The following LSAMP variants were observed in gnomAD, a reference collection of about 807,000 sequenced individuals.
The protein encoded by LSAMP is limbic system-associated membrane protein.
In LSAMP, 7 loss-of-function variants were observed where a neutral mutation model predicts 38.6. The ratio of observed to expected loss-of-function variants is 0.18; its 90% CI spans 0.10 to 0.34. LSAMP has a LOEUF of 0.34. LSAMP is among the 10% of genes least tolerant of loss of function. The probability of loss-of-function intolerance (pLI) is 1.00; values close to 1 mark genes in which losing one functional copy is unlikely to be tolerated. For missense variants in LSAMP, 313 were observed against 420.0 expected (o/e 0.75, Z 2.23); for synonymous variants, 154 against 166.8 (o/e 0.92, Z 0.59).
chr3:116,175,284 TATA>T (rs1359574979), intron 1 of LSAMP, among the ~76,000 whole-genome samples: 1 of 152,114 alleles, frequency 6.6e-6, no homozygotes, highest in Non-Finnish European at 1.5e-5. Context: ...TAAATTGACA[TATA>T]ATAGTTGTAC....
chr3:115,985,873 G>A (rs1939496607), intron 3 of LSAMP, among the ~76,000 whole-genome samples: 1 of 152,182 alleles, frequency 6.6e-6, no homozygotes, highest in Non-Finnish European at 1.5e-5. Flanking sequence ...AGACTCTGAG[G>A]CAGAGCCACC....
intron 3 of LSAMP, among the ~76,000 whole-genome samples, chr3:115,929,215 CA>C (rs1194357001): frequency 6.6e-6 from 1 of 151,844 alleles, no homozygotes; most frequent in Admixed American, 6.6e-5. Flanking sequence ...AAACAAAAAA[CA>C]AATAAGAAAA....
intron 1 of LSAMP, among the ~76,000 whole-genome samples, chr3:116,260,879 C>G (rs1002808796): frequency 8.5e-5 from 13 of 152,128 alleles, no homozygotes; most frequent in Non-Finnish European, 1.9e-4. Flanking sequence ...AAGTGCTTTT[C>G]CTTGAGTGTT....
chr3:116,221,946 C>T (rs1232567380), intron 1 of LSAMP, among the ~76,000 whole-genome samples: 1 of 151,372 alleles, frequency 6.6e-6, no homozygotes, highest in African/African-American at 2.4e-5. Flanking sequence ...ACTTTTTGGC[C>T]ACATGGGGAT....
intron 3 of LSAMP, among the ~76,000 whole-genome samples, chr3:115,853,084 G>A (rs1352295364): frequency 6.6e-6 from 1 of 152,232 alleles, no homozygotes; most frequent in African/African-American, 2.4e-5. Context: ...AAAGTGCTCT[G>A]AGGGGATATA....
At chr3:116,157,753 C>T (rs1709788406) in intron 1 of LSAMP, among the ~76,000 whole-genome samples, 1 of 151,978 alleles carries the variant, frequency 6.6e-6, no homozygotes, top group Non-Finnish European at 1.5e-5. Context: ...CCGATGGATT[C>T]ACAGCCAAAT....
chr3:116,227,521 G>C (rs1487186229), intron 1 of LSAMP, among the ~76,000 whole-genome samples: 1 of 152,138 alleles, frequency 6.6e-6, no homozygotes, highest in East Asian at 1.9e-4. Flanking sequence ...CCAAAGTCCA[G>C]CTTTAATCTG....
intron 1 of LSAMP, among the ~76,000 whole-genome samples, chr3:116,133,660 C>A (rs1048692966): frequency 6.6e-6 from 1 of 152,070 alleles, no homozygotes; most frequent in African/African-American, 2.4e-5. Flanking sequence ...ATTATTTCAA[C>A]ATCTATTTTT....
At chr3:116,083,629 G>A (rs778560033) in intron 2 of LSAMP, among the ~76,000 whole-genome samples, 1 of 152,148 alleles carries the variant, frequency 6.6e-6, no homozygotes, top group Non-Finnish European at 1.5e-5. Flanking sequence ...ATGATTAGTT[G>A]AACTGAATTT....
intron 1 of LSAMP, among the ~76,000 whole-genome samples, chr3:116,439,127 T>C (rs1170518436): frequency 2.0e-5 from 3 of 152,084 alleles, no homozygotes; most frequent in African/African-American, 4.8e-5. Context: ...TACATCAGAA[T>C]TTCTGAGAAG....
chr3:116,065,003 A>T (rs978150316), intron 2 of LSAMP, among the ~76,000 whole-genome samples: 3 of 152,238 alleles, frequency 2.0e-5, no homozygotes, highest in Non-Finnish European at 4.4e-5. Flanking sequence ...TCATATTTTT[A>T]AAATTATTTA....
chr3:115,831,723 A>G (rs999462315), intron 6 of LSAMP, among the ~76,000 whole-genome samples: 2 of 152,168 alleles, frequency 1.3e-5, no homozygotes, highest in Non-Finnish European at 1.5e-5. Flanking sequence ...ATGCAAATTT[A>G]TGCAATTCAG....
intron 1 of LSAMP, among the ~76,000 whole-genome samples, chr3:116,209,778 G>A (rs576293457): frequency 7.5e-4 from 114 of 152,056 alleles, no homozygotes; most frequent in African/African-American, 2.6e-3. Context: ...TTGAGTTGGA[G>A]TTTCACTCTG....
chr3:116,420,187 T>C (rs567055575), intron 1 of LSAMP, among the ~76,000 whole-genome samples: 10 of 151,726 alleles, frequency 6.6e-5, no homozygotes, highest in Admixed American at 5.9e-4. Context: ...TACCTCCGCC[T>C]CCTGGGTTCA....
intron 3 of LSAMP, among the ~76,000 whole-genome samples, chr3:115,861,134 C>T (rs561527894): frequency 0.01 from 56 of 5,382 alleles, 2 homozygotes; most frequent in South Asian, 0.029. Flanking sequence ...TCTTTCTTTC[C>T]TTCCTTCCTT....
chr3:115,859,166 A>G (rs549666317), intron 3 of LSAMP, among the ~76,000 whole-genome samples: 4 of 152,098 alleles, frequency 2.6e-5, no homozygotes, highest in African/African-American at 7.2e-5. Flanking sequence ...GTGTTTGACA[A>G]TGTTGCTGTC....
chr3:116,228,491 G>T (rs573602608), intron 1 of LSAMP, among the ~76,000 whole-genome samples: 3 of 151,996 alleles, frequency 2.0e-5, no homozygotes, highest in African/African-American at 7.2e-5. Flanking sequence ...TGTAAAATGA[G>T]GGTATACGTA....
At chr3:116,213,023 T>A (rs1211558401) in intron 1 of LSAMP, among the ~76,000 whole-genome samples, 1 of 152,234 alleles carries the variant, frequency 6.6e-6, no homozygotes, top group African/African-American at 2.4e-5. Flanking sequence ...GTGCATTTTT[T>A]AAACTATATT....
intron 1 of LSAMP, among the ~76,000 whole-genome samples, chr3:116,209,290 C>T (rs566024724): frequency 2.0e-5 from 3 of 152,278 alleles, no homozygotes; most frequent in South Asian, 2.1e-4. Context: ...CTGACCTGCG[C>T]CCACTGTCTG....
Sources: allele counts gnomAD v4.1 joint callset (sites outside exome capture counted in the v4.1 genomes callset), GRCh38; gene constraint gnomAD v4.1.1; transcripts MANE v1.5; gene names NCBI Gene and HGNC (gene_info 2026-07-23, HGNC 2026-07-21).